Variants in ABTB3 observed in about 807,000 individuals in gnomAD.
ABTB3 encodes the protein ankyrin repeat- and BTB/POZ domain-containing protein 3.
the ABTB3 span, among the ~76,000 whole-genome samples, chr12:107,366,265 G>C: frequency 6.6e-6 from 1 of 152,208 alleles, no homozygotes; most frequent in African/African-American, 2.4e-5. Context: ...GTAACTAAGA[G>C]AGGAAGCCAG....
chr12:107,472,306 A>G, the ABTB3 span, among the ~76,000 whole-genome samples: 2 of 152,214 alleles, frequency 1.3e-5, no homozygotes, highest in African/African-American at 4.8e-5. Context: ...AAAGGGAGCT[A>G]TGATGGGAGC....
At chr12:107,490,191 A>G in the ABTB3 span, among the ~76,000 whole-genome samples, 5 of 151,838 alleles carry the variant, frequency 3.3e-5, no homozygotes, top group African/African-American at 1.2e-4. Context: ...GTTTAGTTCC[A>G]CTCCACCGCC....
the ABTB3 span, among the ~76,000 whole-genome samples, chr12:107,421,890 C>T: frequency 1.3e-5 from 2 of 152,308 alleles, no homozygotes; most frequent in East Asian, 1.9e-4. Flanking sequence ...TCGACAAATA[C>T]TTACTGAGCA....
At chr12:107,603,239 C>CT in the ABTB3 span, among the ~76,000 whole-genome samples, 193 of 152,298 alleles carry the variant, frequency 1.3e-3, 3 homozygotes, top group African/African-American at 4.4e-3. Flanking sequence ...GCTACAGGAA[C>CT]TTTTTTTGCA....
chr12:107,576,611 G>A, the ABTB3 span, among the ~76,000 whole-genome samples: 18 of 152,288 alleles, frequency 1.2e-4, no homozygotes, highest in African/African-American at 4.3e-4. Context: ...TGAGTACTGG[G>A]GGTTAGGGCT....
the ABTB3 span, among the ~76,000 whole-genome samples, chr12:107,608,990 TA>T: frequency 7.7e-6 from 1 of 130,042 alleles, no homozygotes; most frequent in Non-Finnish European, 1.6e-5. Flanking sequence ...TAAAATAAAA[TA>T]AAATAAAATA....
the ABTB3 span, chr12:107,618,493 C>T: frequency 1.2e-6 from 1 of 837,562 alleles, no homozygotes; most frequent in South Asian, 1.8e-5. Context: ...CACATGCACA[C>T]ACACGTGCAC....
chr12:107,363,747 CTTATTCT>C, the ABTB3 span, among the ~76,000 whole-genome samples: 2 of 152,050 alleles, frequency 1.3e-5, no homozygotes, highest in African/African-American at 4.8e-5. Context: ...TGATAATTTT[CTTATTCT>C]TTAAAGATTG....
At chr12:107,562,505 C>A in the ABTB3 span, among the ~76,000 whole-genome samples, 1 of 152,046 alleles carries the variant, frequency 6.6e-6, no homozygotes, top group African/African-American at 2.4e-5. Flanking sequence ...CCAGGACCAG[C>A]AAGGAGGCTG....
the ABTB3 span, among the ~76,000 whole-genome samples, chr12:107,446,610 T>C: frequency 2.6e-5 from 4 of 152,202 alleles, no homozygotes; most frequent in Non-Finnish European, 4.4e-5. Context: ...CTCTTGGATA[T>C]GTCCTGGGGT....
At chr12:107,451,664 C>A in the ABTB3 span, among the ~76,000 whole-genome samples, 1 of 151,670 alleles carries the variant, frequency 6.6e-6, no homozygotes, top group Non-Finnish European at 1.5e-5. Flanking sequence ...GCTTTCTCCA[C>A]CCCCACCTTT....
chr12:107,413,493 G>A, the ABTB3 span, among the ~76,000 whole-genome samples: 1 of 152,140 alleles, frequency 6.6e-6, no homozygotes, highest in Non-Finnish European at 1.5e-5. Flanking sequence ...GATTGAAAGA[G>A]ACAGCGAAGG....
the ABTB3 span, among the ~76,000 whole-genome samples, chr12:107,591,990 T>C: frequency 8.5e-5 from 13 of 152,172 alleles, no homozygotes; most frequent in Admixed American, 7.9e-4. Context: ...AATCAAAGAA[T>C]AAATGGGAAG....
chr12:107,588,152 A>T, the ABTB3 span, among the ~76,000 whole-genome samples: 1 of 152,206 alleles, frequency 6.6e-6, no homozygotes, highest in Admixed American at 6.5e-5. Context: ...TTATAAGGAA[A>T]GCAGTCATAT....
At chr12:107,622,909 T>C in the ABTB3 span, among the ~76,000 whole-genome samples, 6 of 152,262 alleles carry the variant, frequency 3.9e-5, no homozygotes, top group African/African-American at 1.2e-4. Context: ...ACTCAAACCA[T>C]ACTTGAAATC....
At chr12:107,570,928 G>T in the ABTB3 span, among the ~76,000 whole-genome samples, 3 of 152,198 alleles carry the variant, frequency 2.0e-5, no homozygotes, top group African/African-American at 7.2e-5. Flanking sequence ...AAATGATATA[G>T]TGAATGGCTA....
At chr12:107,342,674 C>G in the ABTB3 span, among the ~76,000 whole-genome samples, 7 of 152,166 alleles carry the variant, frequency 4.6e-5, no homozygotes, top group Non-Finnish European at 8.8e-5. Context: ...AACCTCTGCT[C>G]CTCCTAGGCA....
At chr12:107,482,335 T>C in the ABTB3 span, among the ~76,000 whole-genome samples, 2 of 152,158 alleles carry the variant, frequency 1.3e-5, no homozygotes, top group East Asian at 1.9e-4. Context: ...GTGAAGGAGA[T>C]AGGGAGAGGA....
At chr12:107,633,325 G>C in the ABTB3 span, among the ~76,000 whole-genome samples, 1 of 152,182 alleles carries the variant, frequency 6.6e-6, no homozygotes, top group Non-Finnish European at 1.5e-5. Flanking sequence ...GCTGATCTTA[G>C]ACTTCGTAGC....
Sources: gnomAD v4.1 joint callset for allele counts (sites outside exome capture counted in the v4.1 genomes callset) on GRCh38, gnomAD v4.1.1 for gene constraint, MANE v1.5 for transcripts, NCBI Gene and HGNC (gene_info 2026-07-23, HGNC 2026-07-21) for gene names.